OTOP3: variants seen among roughly 807,000 people sequenced by gnomAD.
The protein encoded by OTOP3 is proton channel OTOP3.
Under a neutral mutation model 50.8 loss-of-function variants are expected in OTOP3, and 41 were observed. The observed-to-expected ratio is 0.81, with a 90% CI of 0.63 to 1.05. The LOEUF (loss-of-function observed/expected upper bound fraction) is 1.05. OTOP3 is among the 50% of genes least tolerant of loss of function. OTOP3 has a pLI of 0.00. For synonymous variants in OTOP3, 320 were observed against 324.4 expected, an observed-to-expected ratio of 0.99 and a Z score of 0.14; for missense variants, 788 against 760.8, an observed-to-expected ratio of 1.04 and a Z score of -0.42.
chr17:74,949,632 C>T lies in OTOP3; in HGVS notation c.*216C>T. On this transcript the variant is annotated 3_prime_UTR_variant, in exon 7 of 7. Coordinates refer to ENST00000328801, the MANE Select transcript of OTOP3 (RefSeq NM_001272005.2). ...TGAGCTTCTGATGCCCACGGCCAGG[C>T]CTGGGCACATGCCTGCCCCCTGCCT... The T allele has an allele frequency of 3.5e-6, 2 of 577,114 alleles. No homozygotes were observed. Among genetic ancestry groups the T allele is most frequent in the South Asian group, 2.4e-5 (1 of 42,456 alleles). The allele number at this position is 577,114 out of a possible 1,614,324, so 35.7% of individuals were successfully genotyped here.
intron 1 of OTOP3, among the ~76,000 whole-genome samples, chr17:74,937,208 G>T (rs771040377): frequency 6.6e-6 from 1 of 151,998 alleles, no homozygotes. Context: ...CAAGGGATCC[G>T]CTCACCTCAG....
intron 5 of OTOP3, among the ~76,000 whole-genome samples, chr17:74,946,353 T>C (rs1166670112): frequency 1.3e-5 from 2 of 152,216 alleles, no homozygotes; most frequent in Non-Finnish European, 2.9e-5. Context: ...GCTCAAGCAG[T>C]CTTCCTGCCT....
chr17:74,946,452 GA>G (rs1348999003), intron 5 of OTOP3, among the ~76,000 whole-genome samples: 1 of 152,250 alleles, frequency 6.6e-6, no homozygotes, highest in Non-Finnish European at 1.5e-5. Flanking sequence ...TTTGGCATCT[GA>G]AGTCTTCAAT....
chr17:74,947,590 C>T lies in OTOP3; in HGVS notation c.1566+115C>T, dbSNP rs111992383. 66 of 1,043,980 alleles carry T rather than the reference C, an allele frequency of 6.3e-5. 1 individual carries two copies. The African/African-American group carries it at 1.0e-3, about 16-fold the overall frequency. The allele number at this position is 1,043,980 out of a possible 1,614,324, so 64.7% of individuals were successfully genotyped here. On this transcript the variant is annotated intron_variant, in intron 6 of 6. Coordinates refer to ENST00000328801, the MANE Select transcript of OTOP3 (RefSeq NM_001272005.2). Reference sequence around the variant, plus strand: ...TCTTTTTCCAACTAGCTTGATGCTGCTTGAGAGTGTCCCCCCAGTTCCCTA... The same window carrying T: ...TCTTTTTCCAACTAGCTTGATGCTGTTTGAGAGTGTCCCCCCAGTTCCCTA...
intron 1 of OTOP3, among the ~76,000 whole-genome samples, chr17:74,936,460 G>C (rs371653497): frequency 1.3e-5 from 2 of 152,020 alleles, no homozygotes; most frequent in East Asian, 3.9e-4. Context: ...CCAGTGTCCC[G>C]GCCCTCCCTT....
chr17:74,942,334 TAAG>T (rs2039186012), intron 3 of OTOP3, among the ~76,000 whole-genome samples: 1 of 152,186 alleles, frequency 6.6e-6, no homozygotes, highest in Non-Finnish European at 1.5e-5. Flanking sequence ...AACCTTCTCT[TAAG>T]AATACAATCT....
At position 74,949,708 on chromosome 17, in the gene OTOP3, C is replaced by G. The variant is rs1157211949; in HGVS notation, c.*292C>G. 5.3e-6 allele frequency: 2 copies of G among 377,300 alleles called. No homozygotes were observed. Among genetic ancestry groups the G allele is most frequent in the African/African-American group, 2.1e-5 (1 of 48,396 alleles). The allele number at this position is 377,300 out of a possible 1,614,324, so 23.4% of individuals were successfully genotyped here. On this transcript the variant is annotated 3_prime_UTR_variant, in exon 7 of 7. Coordinates refer to ENST00000328801, the MANE Select transcript of OTOP3 (RefSeq NM_001272005.2). ...GTGCACCCCAGGAGGCTGGCAGGGG[C>G]CCCCTCACGGCTACTCTGTGGGAGG...
Position 74,949,331 on chromosome 17 carries a change from C to T in OTOP3, c.1652C>T (p.Ala551Val). The T allele has an allele frequency of 6.2e-7, 1 of 1,614,072 alleles. No individual in the cohort carries two copies. The highest frequency in any genetic ancestry group is 8.5e-7 in the Non-Finnish European group (1 of 1,180,000). The change falls in exon 7 of 7, where the codon GCC becomes GTC. Residue 551 changes from alanine (A) to valine (V), a missense_variant. Transcript: ENST00000328801. ...TTCTACGGCTACCAGATATGGTTCG[C>T]CATCGTCAACTTCGGCCTGCCTCTG... is the stretch of plus-strand genomic sequence containing the variant. ...KDFYGYQIWFAIVNFGLPLGV... is the reference protein window; with the variant it reads ...KDFYGYQIWFVIVNFGLPLGV...
chr17:74,947,304 G>A lies in OTOP3; in HGVS notation c.1395G>A (p.Glu465=). Residue 465 remains glutamate, a synonymous_variant, in exon 6 of 7, where the codon GAG becomes GAA. Coordinates refer to ENST00000328801, the MANE Select transcript of OTOP3 (RefSeq NM_001272005.2). ...GCCCACTCTGGGAGACAGTTCCCGAGGGCCTGGCAGGAAAGCAGGAGGCTG... is the reference window on the plus strand; with the variant it reads ...GCCCACTCTGGGAGACAGTTCCCGAAGGCCTGGCAGGAAAGCAGGAGGCTG... ...HRRPLWETVP[E]GLAGKQEAEP... 2 of 1,613,454 alleles carry A rather than the reference G, an allele frequency of 1.2e-6. No individual in the cohort carries two copies. Among genetic ancestry groups the A allele is most frequent in the East Asian group, 2.2e-5 (1 of 44,882 alleles).
chr17:74,936,192 C>T (rs1388383651), intron 1 of OTOP3, among the ~76,000 whole-genome samples: 1 of 142,948 alleles, frequency 7.0e-6, no homozygotes, highest in Non-Finnish European at 1.5e-5. Flanking sequence ...GGCGCGACTC[C>T]TCCCGGCCGG....
rs1567951285 is a variant in OTOP3, at chr17:74,943,685, A to T, written c.712A>T (p.Ile238Phe). 1 of 1,611,672 alleles carries T rather than the reference A, an allele frequency of 6.2e-7. No individual in the cohort carries two copies. Among genetic ancestry groups the T allele is most frequent in the South Asian group, 1.1e-5 (1 of 91,018 alleles). Residue 238 changes from isoleucine to phenylalanine, a missense_variant, in exon 5 of 7, where the codon ATC becomes TTC. Coordinates refer to ENST00000328801, the MANE Select transcript of OTOP3 (RefSeq NM_001272005.2). ...AVTNDSMHRE[I>F]EAELGILMEK... ...TACCAATGACTCCATGCACCGAGAGATCGAAGCTGAGCTTGGCATCCTCAT... is the reference window on the plus strand; with the variant it reads ...TACCAATGACTCCATGCACCGAGAGTTCGAAGCTGAGCTTGGCATCCTCAT...
chr17:74,935,808 C>T (rs1181466702), upstream of OTOP3: 3 of 1,514,254 alleles, frequency 2.0e-6, no homozygotes, highest in African/African-American at 2.8e-5. Flanking sequence ...ATCGATGGGC[C>T]GCGGAGCCCG....
rs776915510 is a variant in OTOP3 at position 74,941,910 on chromosome 17, T to A, written c.446T>A (p.Val149Glu). Residue 149 changes from valine to glutamate, a missense_variant, in exon 3 of 7, where the codon GTG becomes GAG. By Grantham distance (121) the Val-to-Glu change is moderately radical. Transcript: ENST00000328801. ...AGPLWVRGSL[V>E]LFGSCTFCLN... ...CCACATGTCCGGCCAGGTTCCCTAG[T>A]GCTCTTCGGCAGCTGCACCTTCTGC... 1.2e-6 allele frequency: 2 copies of A among 1,608,276 alleles called. No homozygotes were observed.
chr17:74,947,941 A>T (rs757322826), intron 6 of OTOP3, among the ~76,000 whole-genome samples: 4 of 152,188 alleles, frequency 2.6e-5, no homozygotes, highest in Non-Finnish European at 4.4e-5. Flanking sequence ...CAGAGGAGGA[A>T]ACTAAGGCTT....
Position 74,946,848 on chromosome 17 carries a change from C to T in OTOP3, c.939C>T (p.Pro313=). 6.2e-7 allele frequency: 1 copy of T among 1,610,900 alleles called. No homozygotes were observed. Among genetic ancestry groups the T allele is most frequent in the Non-Finnish European group, 8.5e-7 (1 of 1,180,024 alleles). ...PHMGAHPATA[P]FHLHGAIFGP... Reference sequence around the variant, plus strand: ...TGGGTGCCCACCCTGCCACCGCACCCTTCCACCTGCACGGGGCCATCTTCG... The same window carrying T: ...TGGGTGCCCACCCTGCCACCGCACCTTTCCACCTGCACGGGGCCATCTTCG... The change falls in exon 6 of 7, where the codon CCC becomes CCT. Residue 313 remains proline, a synonymous_variant. Transcript: ENST00000328801.
At chr17:74,942,869 C>G (rs996997180) in intron 3 of OTOP3, among the ~76,000 whole-genome samples, 1 of 152,014 alleles carries the variant, frequency 6.6e-6, no homozygotes, top group Non-Finnish European at 1.5e-5. Flanking sequence ...GGTGTGAACC[C>G]GAAAGGCAGA....
At chr17:74,938,547 G>A (rs574917591) in intron 1 of OTOP3, among the ~76,000 whole-genome samples, 78 of 152,220 alleles carry the variant, frequency 5.1e-4, no homozygotes, top group African/African-American at 1.5e-3. Flanking sequence ...AAGACTGGGG[G>A]CGTTCCAGGA....
intron 1 of OTOP3, among the ~76,000 whole-genome samples, chr17:74,938,206 G>A (rs1301059656): frequency 1.3e-5 from 2 of 152,138 alleles, no homozygotes; most frequent in Non-Finnish European, 2.9e-5. Context: ...GTATAAATAT[G>A]GAGCAGGTGG....
In OTOP3 at chr17:74,941,545, C is replaced by T. The variant is rs752419848; in HGVS notation, c.172C>T (p.Leu58=). 17 of 1,613,746 alleles carry T rather than the reference C, an allele frequency of 1.1e-5. No individual in the cohort carries two copies. The highest frequency in any genetic ancestry group is 1.4e-5 in the Non-Finnish European group (16 of 1,179,842). The change falls in exon 2 of 7, where the codon CTG becomes TTG. Residue 58 remains leucine, a synonymous_variant. Transcript: ENST00000328801. ...KSWLVRHFSL[L]LRRDRQAQKA... ...CTGGCTGGTGAGGCATTTCTCTCTG[C>T]TGCTGCGGCGGGACCGGCAGGCCCA...
Sources: allele counts gnomAD v4.1 joint callset (sites outside exome capture counted in the v4.1 genomes callset), GRCh38; gene constraint gnomAD v4.1.1; transcripts MANE v1.5; gene names NCBI Gene and HGNC (gene_info 2026-07-23, HGNC 2026-07-21).